The following NRXN1 variants were observed in gnomAD, a reference collection of about 807,000 sequenced individuals.
NRXN1 encodes neurexin 1.
A neutral mutation model predicts 150.9 loss-of-function variants in NRXN1; 39 were observed. That is an observed-to-expected ratio of 0.26 (90% CI 0.20 to 0.34). The LOEUF (loss-of-function observed/expected upper bound fraction) is 0.34. Among genes scored for constraint, NRXN1 ranks in the 10% least tolerant of loss-of-function variants. The pLI, the probability that NRXN1 is intolerant of heterozygous loss-of-function variation, is 1.00. For missense variants in NRXN1, 1,815 were observed against 1,949.9 expected, an observed-to-expected ratio of 0.93 and a Z score of 1.30; for synonymous variants, 924 against 757.0, an observed-to-expected ratio of 1.22 and a Z score of -3.62.
chr2:50,128,859 T>G (rs987178148), intron 18 of NRXN1, among the ~76,000 whole-genome samples: 7 of 151,860 alleles, frequency 4.6e-5, no homozygotes, highest in Admixed American at 3.9e-4. Flanking sequence ...GGCGGGCGCC[T>G]GTAATCCCAG....
intron 5 of NRXN1, among the ~76,000 whole-genome samples, chr2:50,787,521 C>T (rs1298403840): frequency 6.6e-6 from 1 of 151,756 alleles, no homozygotes; most frequent in Non-Finnish European, 1.5e-5. Context: ...GAGATCACAC[C>T]ATTGAAGCCT....
In NRXN1 at chr2:50,791,137, T is replaced by TTA. The variant is rs567353593; in HGVS notation, c.832+130731_832+130732insTA. ...ATGCAATCAAAATGTTTTTTTTTTT[T>TTA]AAAAAAAAAGACTGTCAAAAGTAAC... is the stretch of plus-strand genomic sequence containing the variant. On this transcript the variant is annotated intron_variant, in intron 5 of 22. Transcript: ENST00000401669. Among the ~76,000 whole-genome samples the TTA allele has an allele frequency of 1.6e-4, 24 of 148,306 alleles. No homozygotes were observed. In the East Asian group the frequency reaches 2.6e-3, roughly 16 times the overall value.
chr2:50,035,583 T>C (rs920041108), intron 21 of NRXN1, among the ~76,000 whole-genome samples: 5 of 152,232 alleles, frequency 3.3e-5, no homozygotes, highest in African/African-American at 1.2e-4. Context: ...TGCTATATTA[T>C]TGGCTATGAT....
intron 5 of NRXN1, among the ~76,000 whole-genome samples, chr2:50,792,639 A>G (rs2105614930): frequency 6.6e-6 from 1 of 152,154 alleles, no homozygotes; most frequent in Admixed American, 6.6e-5. Context: ...CCAATGAGAA[A>G]ATGGGTATAA....
chr2:50,528,791 C>G (rs1210033777), intron 11 of NRXN1, 140 bp from the exon 12 acceptor site: 9 of 551,818 alleles, frequency 1.6e-5, no homozygotes, highest in Non-Finnish European at 2.6e-5. Flanking sequence ...TCTTTACATA[C>G]TTATAAAGCC....
At chr2:50,985,447 G>A (rs1264706903) in intron 2 of NRXN1, 1 of 151,680 alleles carries the variant, frequency 6.6e-6, no homozygotes, top group Non-Finnish European at 1.5e-5. Context: ...ATGGAGAGAT[G>A]GCTTCAAGCA....
chr2:50,498,875 C>T (rs1390616897), intron 13 of NRXN1, among the ~76,000 whole-genome samples: 1 of 152,134 alleles, frequency 6.6e-6, no homozygotes, highest in Admixed American at 6.5e-5. Flanking sequence ...GCTTCCCTGC[C>T]CGATTTGCCA....
At chr2:50,020,682 G>T in intron 21 of NRXN1, among the ~76,000 whole-genome samples, 1 of 152,264 alleles carries the variant, frequency 6.6e-6, no homozygotes, top group South Asian at 2.1e-4. Context: ...GCAGATTCAG[G>T]ATTAGCCAGG....
intron 19 of NRXN1, among the ~76,000 whole-genome samples, chr2:50,070,546 G>A (rs12477788): frequency 0.6 from 90,098 of 150,936 alleles, 27,243 homozygotes; most frequent in Middle Eastern, 0.67. Context: ...CGAGGCGGGC[G>A]GATCACAAGG....
chr2:50,364,297 C>T (rs60298156), intron 17 of NRXN1, among the ~76,000 whole-genome samples: 2,706 of 152,090 alleles, frequency 0.018, 87 homozygotes, highest in African/African-American at 0.062. Flanking sequence ...AGTTTAATGG[C>T]CAGGGGAAAA....
At chr2:50,382,275 T>C (rs148564352) in intron 17 of NRXN1, among the ~76,000 whole-genome samples, 3 of 152,298 alleles carry the variant, frequency 2.0e-5, no homozygotes, top group Non-Finnish European at 2.9e-5. Flanking sequence ...CCCCATTGTA[T>C]TGATTTATCT....
chr2:50,096,974 G>C (rs1700312854), intron 18 of NRXN1, among the ~76,000 whole-genome samples: 1 of 152,186 alleles, frequency 6.6e-6, no homozygotes, highest in Admixed American at 6.5e-5. Flanking sequence ...ATGTCTGCAT[G>C]TTACAGATGC....
At chr2:49,924,986 T>C (rs910082292) in intron 22 of NRXN1, among the ~76,000 whole-genome samples, 8 of 152,008 alleles carry the variant, frequency 5.3e-5, no homozygotes, top group Admixed American at 6.5e-5. Flanking sequence ...ACTTTTCTTC[T>C]GAGACTAGAA....
intron 21 of NRXN1, among the ~76,000 whole-genome samples, chr2:50,024,703 C>T (rs951560017): frequency 6.6e-6 from 1 of 151,956 alleles, no homozygotes; most frequent in Non-Finnish European, 1.5e-5. Context: ...CAACCTTTGC[C>T]TCCAGGATTC....
chr2:50,200,564 A>G (rs1470863339), intron 18 of NRXN1, among the ~76,000 whole-genome samples: 1 of 152,138 alleles, frequency 6.6e-6, no homozygotes, highest in Non-Finnish European at 1.5e-5. Flanking sequence ...GTAAATGGAG[A>G]GAACTAAACA....
chr2:50,966,447 A>C (rs2104743303), intron 2 of NRXN1, among the ~76,000 whole-genome samples: 1 of 151,742 alleles, frequency 6.6e-6, no homozygotes, highest in East Asian at 1.9e-4. Context: ...GGAGGGCCTT[A>C]TTATTTTTCC....
At position 49,943,794 on chromosome 2, in the gene NRXN1, G is replaced by T; in HGVS notation, c.4129-3C>A. On this transcript the variant is annotated splice_polypyrimidine_tract_variant and splice_region_variant and intron_variant, in intron 21 of 22. Coordinates refer to ENST00000401669, the MANE Select transcript of NRXN1 (RefSeq NM_001330078.2). ...GCCACAAGGATGTCATCTGTGGTCT[G>T]CAAAAGAATCACATTCAGTAGATTA... The T allele has an allele frequency of 6.2e-7, 1 of 1,603,758 alleles. No individual in the cohort carries two copies. The highest frequency in any genetic ancestry group is 8.5e-7 in the Non-Finnish European group (1 of 1,172,450).
chr2:50,230,128 C>G (rs992372381), intron 18 of NRXN1, among the ~76,000 whole-genome samples: 2 of 151,988 alleles, frequency 1.3e-5, no homozygotes, highest in African/African-American at 2.4e-5. Flanking sequence ...GGAGACCTAA[C>G]TTCTTTCTGC....
rs78761379 is a variant in NRXN1 at position 50,513,009 on chromosome 2, A to G, written c.2375-6392T>C. ...TTGGTTGAGAGTTATATAAACTTGG[A>G]TTTGAAAGCAGGTATTGCATTTTCT... On this transcript the variant is annotated intron_variant, in intron 12 of 22. Coordinates refer to ENST00000401669, the MANE Select transcript of NRXN1 (RefSeq NM_001330078.2). Among the ~76,000 whole-genome samples, 743 of 152,258 alleles carry G rather than the reference A, an allele frequency of 4.9e-3. 5 individuals are homozygous for G. Among genetic ancestry groups the G allele is most frequent in the African/African-American group, 0.017 (713 of 41,566 alleles).
Sources: gnomAD v4.1 joint callset for allele counts (sites outside exome capture counted in the v4.1 genomes callset) on GRCh38, gnomAD v4.1.1 for gene constraint, MANE v1.5 for transcripts, NCBI Gene and HGNC (gene_info 2026-07-23, HGNC 2026-07-21) for gene names.